The following CALN1 variants were observed in gnomAD, a reference collection of about 807,000 sequenced individuals.
CALN1 encodes the protein calcium-binding protein 8.
CALN1 carries 17 observed loss-of-function variants against 30.6 expected under a neutral mutation model. The observed-to-expected ratio is 0.56, with a 90% CI of 0.38 to 0.83. The LOEUF (loss-of-function observed/expected upper bound fraction) is 0.83. Among genes scored for constraint, CALN1 ranks in the 40% least tolerant of loss-of-function variants. CALN1 has a pLI of 0.00. For missense variants in CALN1, 291 were observed against 354.9 expected, an observed-to-expected ratio of 0.82 and a Z score of 1.45; for synonymous variants, 156 against 131.4, an observed-to-expected ratio of 1.19 and a Z score of -1.28.
intron 5 of CALN1, among the ~76,000 whole-genome samples, chr7:71,840,787 C>G (rs1449157380): frequency 6.6e-6 from 1 of 152,086 alleles, no homozygotes; most frequent in Non-Finnish European, 1.5e-5. Context: ...AGGAAACAGT[C>G]AATAAATGGT....
chr7:72,381,538 T>C (rs997553139), intron 2 of CALN1, among the ~76,000 whole-genome samples: 2 of 152,182 alleles, frequency 1.3e-5, no homozygotes, highest in African/African-American at 4.8e-5. Flanking sequence ...CAGGGGCATA[T>C]GAGTCCTTCG....
In CALN1 at chr7:71,784,843, A is replaced by G; in HGVS notation, c.*2932T>C. ...CATCCCTTGGGCATGGGAGACCAGG[A>G]CCTTCTGGAATCTTCAGCCGTGAGC... On this transcript the variant is annotated 3_prime_UTR_variant, in exon 7 of 7. Transcript: ENST00000395275. 1 of 398,600 alleles carries G rather than the reference A, an allele frequency of 2.5e-6. No homozygotes were observed. Among genetic ancestry groups the G allele is most frequent in the Non-Finnish European group, 4.4e-6 (1 of 226,104 alleles). 24.7% of individuals were successfully genotyped at this position (398,600 alleles called of 1,614,324 possible).
At chr7:72,410,509 T>C (rs550926948) in intron 1 of CALN1, among the ~76,000 whole-genome samples, 6 of 152,268 alleles carry the variant, frequency 3.9e-5, no homozygotes, top group Admixed American at 6.5e-5. Context: ...ATAAAATATA[T>C]ACACAAGCAA....
intron 5 of CALN1, among the ~76,000 whole-genome samples, chr7:71,975,355 A>G (rs1399918416): frequency 2.6e-5 from 4 of 152,120 alleles, no homozygotes; most frequent in Non-Finnish European, 5.9e-5. Flanking sequence ...CTCCCTTGTT[A>G]ATTTTCCTGG....
chr7:72,308,241 G>A (rs936715553), intron 2 of CALN1, among the ~76,000 whole-genome samples: 7 of 152,022 alleles, frequency 4.6e-5, no homozygotes, highest in Admixed American at 1.3e-4. Flanking sequence ...GTATACACCT[G>A]TAATTTCAGC....
intron 5 of CALN1, among the ~76,000 whole-genome samples, chr7:71,853,069 A>C (rs1584374294): frequency 6.7e-6 from 1 of 150,116 alleles, no homozygotes; most frequent in Non-Finnish European, 1.5e-5. Context: ...AAGTTTAAAC[A>C]CTTATTATTA....
intron 3 of CALN1, among the ~76,000 whole-genome samples, chr7:72,140,773 C>T (rs1014059527): frequency 6.6e-6 from 1 of 152,196 alleles, no homozygotes; most frequent in Admixed American, 6.5e-5. Context: ...AACCTCCTAT[C>T]GGAGCTCATC....
intron 6 of CALN1, among the ~76,000 whole-genome samples, chr7:71,799,943 A>C (rs189950496): frequency 6.6e-6 from 1 of 152,236 alleles, no homozygotes; most frequent in Admixed American, 6.5e-5. Context: ...TCCTATGTCT[A>C]CCCAAGGAGA....
intron 5 of CALN1, among the ~76,000 whole-genome samples, chr7:71,974,417 CAAAAA>C (rs1052896558): frequency 3.6e-5 from 2 of 55,002 alleles, no homozygotes; most frequent in African/African-American, 5.2e-5. Context: ...GACTCCATCT[CAAAAA>C]AAAAAAAAAA....
At chr7:72,131,999 C>CA (rs1159011078) in intron 3 of CALN1, among the ~76,000 whole-genome samples, 5 of 152,274 alleles carry the variant, frequency 3.3e-5, no homozygotes, top group Non-Finnish European at 7.3e-5. Context: ...AATCCATCCC[C>CA]AAACTCTCAG....
At chr7:72,413,276 G>T (rs1477735986), upstream of CALN1, among the ~76,000 whole-genome samples, 1 of 142,234 alleles carries the variant, frequency 7.0e-6, no homozygotes, top group Non-Finnish European at 1.5e-5. Context: ...ACACACACAT[G>T]CACACACACA....
chr7:72,457,841 G>A, the CALN1 span, among the ~76,000 whole-genome samples: 1 of 149,336 alleles, frequency 6.7e-6, no homozygotes, highest in Admixed American at 6.8e-5. Context: ...CTGCAGCCTC[G>A]ACCTCTCAGG....
the CALN1 span, among the ~76,000 whole-genome samples, chr7:72,481,895 G>C: frequency 6.6e-6 from 1 of 152,080 alleles, no homozygotes; most frequent in Admixed American, 6.6e-5. Flanking sequence ...ATATCATTTA[G>C]ATAACTTGGT....
chr7:71,924,985 A>G (rs1795186030), intron 5 of CALN1, among the ~76,000 whole-genome samples: 1 of 152,232 alleles, frequency 6.6e-6, no homozygotes, highest in South Asian at 2.1e-4. Context: ...TCACGCCTTT[A>G]ATCCCAGCAC....
chr7:72,443,014 C>T (rs113129195), intron 1 of CALN1, among the ~76,000 whole-genome samples: 1,893 of 152,248 alleles, frequency 0.012, 38 homozygotes, highest in African/African-American at 0.043. Context: ...TAGGATTGCA[C>T]TTTATGTAGG....
chr7:72,375,028 T>G (rs980967964), intron 2 of CALN1, among the ~76,000 whole-genome samples: 12 of 152,042 alleles, frequency 7.9e-5, no homozygotes, highest in South Asian at 2.1e-4. Flanking sequence ...TTAAAAAATA[T>G]AAAAAAGGCA....
intron 5 of CALN1, among the ~76,000 whole-genome samples, chr7:71,939,036 A>G (rs968079711): frequency 7.2e-5 from 11 of 152,186 alleles, no homozygotes; most frequent in Non-Finnish European, 1.6e-4. Flanking sequence ...GGAAGAAAAC[A>G]AGACACAAGG....
At chr7:72,228,864 T>C (rs1289227648) in intron 3 of CALN1, among the ~76,000 whole-genome samples, 1 of 151,284 alleles carries the variant, frequency 6.6e-6, no homozygotes, top group Admixed American at 6.6e-5. Flanking sequence ...TGGGTTTACA[T>C]GATCCTCCCA....
chr7:72,143,132 T>C (rs1161069732), intron 3 of CALN1, among the ~76,000 whole-genome samples: 1 of 152,048 alleles, frequency 6.6e-6, no homozygotes, highest in Non-Finnish European at 1.5e-5. Flanking sequence ...AGAGAATGAC[T>C]TTGACGAGTT....
Sources: allele counts gnomAD v4.1 joint callset (sites outside exome capture counted in the v4.1 genomes callset), GRCh38; gene constraint gnomAD v4.1.1; transcripts MANE v1.5; gene names NCBI Gene and HGNC (gene_info 2026-07-23, HGNC 2026-07-21).